CACNA1C: variants seen among roughly 807,000 people sequenced by gnomAD.
CACNA1C encodes calcium voltage-gated channel subunit alpha1 C.
Under a neutral mutation model 229.0 loss-of-function variants are expected in CACNA1C, and 30 were observed. The observed-to-expected ratio is 0.13, with a 90% CI of 0.10 to 0.18. The LOEUF (loss-of-function observed/expected upper bound fraction) is 0.18. Ranked by LOEUF, CACNA1C falls within the 10% of genes least tolerant of loss-of-function variation. The pLI is 1.00. For missense variants in CACNA1C, 1,658 were observed against 2,845.0 expected (o/e 0.58, Z 9.49); for synonymous variants, 1,114 against 1,132.5 (o/e 0.98, Z 0.33).
At chr12:2,623,249 A>C (rs1275302232) in intron 29 of CACNA1C, among the ~76,000 whole-genome samples, 7 of 151,972 alleles carry the variant, frequency 4.6e-5, no homozygotes, top group Admixed American at 4.6e-4. Flanking sequence ...CCTGCCTGGC[A>C]TTCTCCCTCC....
At chr12:2,144,628 T>C (rs1433982111) in intron 3 of CACNA1C, among the ~76,000 whole-genome samples, 1 of 151,406 alleles carries the variant, frequency 6.6e-6, no homozygotes, top group Non-Finnish European at 1.5e-5. Flanking sequence ...ACTATATTTG[T>C]TTTAAGTTAA....
chr12:2,250,337 G>A (rs949916745), intron 3 of CACNA1C, among the ~76,000 whole-genome samples: 1 of 152,110 alleles, frequency 6.6e-6, no homozygotes, highest in African/African-American at 2.4e-5. Flanking sequence ...TTATTAACAG[G>A]GCAGAAACTC....
At chr12:2,004,225 CG>C in intron 1 of CACNA1C, 2 of 1,598,870 alleles carry the variant, frequency 1.3e-6, no homozygotes, top group Non-Finnish European at 1.7e-6. Flanking sequence ...CTGAGTCTGA[CG>C]CCCCCCGCCT....
At chr12:2,454,833 C>T (rs1006228959) in intron 4 of CACNA1C, among the ~76,000 whole-genome samples, 1 of 152,224 alleles carries the variant, frequency 6.6e-6, no homozygotes, top group African/African-American at 2.4e-5. Flanking sequence ...CAGCTGATGG[C>T]CTCGTTCCCC....
chr12:2,274,898 A>T (rs2087021321), intron 3 of CACNA1C, among the ~76,000 whole-genome samples: 1 of 152,134 alleles, frequency 6.6e-6, no homozygotes, highest in African/African-American at 2.4e-5. Context: ...AGTGTCAGGG[A>T]TGGACGAATG....
upstream of CACNA1C, among the ~76,000 whole-genome samples, chr12:2,052,308 C>G (rs1255462376): frequency 6.6e-6 from 1 of 152,166 alleles, no homozygotes; most frequent in Non-Finnish European, 1.5e-5. Flanking sequence ...CGCTGCCCCT[C>G]CCGCTTCCCC....
chr12:2,460,769 G>T (rs2099495508), intron 5 of CACNA1C, among the ~76,000 whole-genome samples: 1 of 152,210 alleles, frequency 6.6e-6, no homozygotes, highest in African/African-American at 2.4e-5. Context: ...GTGCCTTGTA[G>T]GTAGCTCCAT....
At position 2,215,076 on chromosome 12, in the gene CACNA1C, T is replaced by G. The variant is rs529296818; in HGVS notation, c.477+94646T>G. Among the ~76,000 whole-genome samples the G allele has an allele frequency of 5.3e-4, 81 of 152,108 alleles. No homozygotes were observed. The highest frequency in any genetic ancestry group is 7.8e-4 in the Non-Finnish European group (53 of 67,996). Reference sequence around the variant, plus strand: ...GTGAGGACCTGCATTGCAGCGGGTGTGTCGGAGGGCTCAGCAAACGTGTGC... The same window carrying G: ...GTGAGGACCTGCATTGCAGCGGGTGGGTCGGAGGGCTCAGCAAACGTGTGC... On this transcript the variant is annotated intron_variant, in intron 3 of 46. Transcript: ENST00000399655. This position sits in a 1 kb window ranked among gnomAD's most constrained non-coding sequence, Gnocchi z 5.0.
At chr12:2,365,640 A>G (rs906453910) in intron 3 of CACNA1C, among the ~76,000 whole-genome samples, 10 of 152,260 alleles carry the variant, frequency 6.6e-5, no homozygotes, top group Admixed American at 6.5e-5. Context: ...AGAGATGACT[A>G]ATGCCATATA....
intron 3 of CACNA1C, among the ~76,000 whole-genome samples, chr12:2,374,968 C>A (rs1288874798): frequency 6.6e-6 from 1 of 152,180 alleles, no homozygotes; most frequent in East Asian, 1.9e-4. Context: ...GGGAACTGGG[C>A]AATATCAATA....
At chr12:2,274,961 C>T (rs1325670514) in intron 3 of CACNA1C, among the ~76,000 whole-genome samples, 2 of 152,222 alleles carry the variant, frequency 1.3e-5, no homozygotes, top group African/African-American at 4.8e-5. Flanking sequence ...GCAGCACTCC[C>T]AGCCTGGCCT....
Position 2,579,293 on chromosome 12 carries a change from G to T in CACNA1C, c.1896-2297G>T, listed in dbSNP as rs185901859. Among the ~76,000 whole-genome samples, 22 of 152,310 alleles carry T rather than the reference G, an allele frequency of 1.4e-4. No homozygotes were observed. In the East Asian group the frequency reaches 4.2e-3, roughly 29 times the overall value. On this transcript the variant is annotated intron_variant, in intron 13 of 46. Coordinates refer to ENST00000399655, the MANE Select transcript of CACNA1C (RefSeq NM_000719.7). ...GGCTTTTCCAGAATCTTCCATGACA[G>T]TTGAGCGCACAGAGGATCTCTAGAG...
chr12:2,641,480 G>A, intron 30 of CACNA1C: 3 of 555,914 alleles, frequency 5.4e-6, no homozygotes, highest in East Asian at 3.1e-5. Context: ...GCTGGGTGGG[G>A]CAGAGGTTAT....
chr12:2,096,428 C>A (rs775424057), intron 1 of CACNA1C, among the ~76,000 whole-genome samples: 6 of 152,188 alleles, frequency 3.9e-5, no homozygotes, highest in Non-Finnish European at 5.9e-5. Context: ...ATCCTCCCAT[C>A]TCCTTCCTGA....
At chr12:2,325,242 T>TG (rs2096238961) in intron 3 of CACNA1C, among the ~76,000 whole-genome samples, 1 of 152,156 alleles carries the variant, frequency 6.6e-6, no homozygotes, top group African/African-American at 2.4e-5. Context: ...CCATCCATAC[T>TG]ATCTGGTCTC....
Position 2,669,093 on chromosome 12 carries a change from GA to G in CACNA1C, c.4726+59del. The G allele has an allele frequency of 8.3e-6, 10 of 1,206,902 alleles. No homozygotes were observed. The Admixed American group carries it at 8.5e-5, about 10-fold the overall frequency. The allele number at this position is 1,206,902 out of a possible 1,614,324, so 74.8% of individuals were successfully genotyped here. A position where few individuals can be genotyped will look rare whatever the true frequency, so the allele number is the denominator to read the frequency against. On this transcript the variant is annotated intron_variant, in intron 38 of 46. Transcript: ENST00000399655. ...TCAGAAGGTCTAGCAGACAATCAGA[GA>G]GGAGCTCGGCAGCCTGCAAAGTGCT...
chr12:2,200,083 GC>G, intron 3 of CACNA1C, among the ~76,000 whole-genome samples: 1 of 152,282 alleles, frequency 6.6e-6, no homozygotes, highest in South Asian at 2.1e-4. Flanking sequence ...ACTGAGCAGT[GC>G]CTGCACATGG....
At chr12:2,288,309 A>C (rs1473678272) in intron 3 of CACNA1C, 1 of 152,206 alleles carries the variant, frequency 6.6e-6, no homozygotes, top group Non-Finnish European at 1.5e-5. Flanking sequence ...TGGCCTGTTT[A>C]CTTTGCTCTG....
chr12:2,203,831 C>T (rs2097673414), intron 3 of CACNA1C, among the ~76,000 whole-genome samples: 1 of 152,132 alleles, frequency 6.6e-6, no homozygotes, highest in Non-Finnish European at 1.5e-5. Flanking sequence ...TAGACAGAGC[C>T]CAAGGGGATG....
Sources: gnomAD v4.1 joint callset for allele counts (sites outside exome capture counted in the v4.1 genomes callset) on GRCh38, gnomAD v4.1.1 for gene constraint, Gnocchi (gnomAD v3.1) non-coding constraint, MANE v1.5 for transcripts, NCBI Gene and HGNC (gene_info 2026-07-23, HGNC 2026-07-21) for gene names.